The following RCL1 variants were observed in gnomAD, a reference collection of about 807,000 sequenced individuals.
The protein encoded by RCL1 is RNA terminal phosphate cyclase like 1, also known as RNA 3'-terminal phosphate cyclase-like protein.
A neutral mutation model predicts 42.4 loss-of-function variants in RCL1; 24 were observed. The observed-to-expected ratio is 0.57, with a 90% CI of 0.41 to 0.80. RCL1 has a LOEUF of 0.80. Among genes scored for constraint, RCL1 ranks in the 30% least tolerant of loss-of-function variants. The probability of loss-of-function intolerance (pLI) is 0.00; values close to 1 mark genes in which losing one functional copy is unlikely to be tolerated. For synonymous variants in RCL1, 228 were observed against 177.3 expected, an observed-to-expected ratio of 1.29 and a Z score of -2.27; for missense variants, 578 against 467.9, an observed-to-expected ratio of 1.24 and a Z score of -2.17.
chr9:4,809,344 T>C (rs948835709), intron 1 of RCL1, among the ~76,000 whole-genome samples: 8 of 151,952 alleles, frequency 5.3e-5, no homozygotes, highest in African/African-American at 1.7e-4. Flanking sequence ...GGAGTCTTGC[T>C]CTGTCGCCAG....
At chr9:4,835,566 G>C (rs1158547825) in intron 5 of RCL1, among the ~76,000 whole-genome samples, 1 of 152,218 alleles carries the variant, frequency 6.6e-6, no homozygotes, top group African/African-American at 2.4e-5. Context: ...GGAGTAACTT[G>C]ATGAAGCGAG....
chr9:4,821,157 C>A (rs1176209913), intron 1 of RCL1, among the ~76,000 whole-genome samples: 1 of 152,108 alleles, frequency 6.6e-6, no homozygotes, highest in Admixed American at 6.5e-5. Context: ...TGTGTAGTAG[C>A]TTATGCCTGT....
chr9:4,815,234 T>A (rs191780940), intron 1 of RCL1, among the ~76,000 whole-genome samples: 1 of 152,170 alleles, frequency 6.6e-6, no homozygotes, highest in South Asian at 2.1e-4. Flanking sequence ...CCTGGAACTT[T>A]CATAACATGA....
chr9:4,829,459 A>T (rs1404413426), intron 3 of RCL1, among the ~76,000 whole-genome samples: 9 of 152,324 alleles, frequency 5.9e-5, no homozygotes, highest in South Asian at 2.1e-4. Flanking sequence ...TTGCAGTAGG[A>T]TAATGAGTGA....
Position 4,844,675 on chromosome 9 carries a change from C to G in RCL1, c.861C>G (p.Ile287Met), listed in dbSNP as rs749465893. The change falls in exon 7 of 9, where the codon ATC becomes ATG. Residue 287 changes from isoleucine (I) to methionine (M), a missense_variant. By Grantham distance (10) the Ile-to-Met change is conservative. Transcript: ENST00000381750. ...GTGCCCGGCTGCTGCTGGAGGAAATCTACAGGGTATGTCCACAGCTTCCTC... is the reference window on the plus strand; with the variant it reads ...GTGCCCGGCTGCTGCTGGAGGAAATGTACAGGGTATGTCCACAGCTTCCTC... ...RNCARLLLEE[I>M]YRGGCVDSTN... 6.2e-7 allele frequency: 1 copy of G among 1,612,786 alleles called. No homozygotes were observed. Among genetic ancestry groups the G allele is most frequent in the African/African-American group, 1.3e-5 (1 of 75,020 alleles).
At chr9:4,817,776 C>T (rs1156372157) in intron 1 of RCL1, among the ~76,000 whole-genome samples, 3 of 152,050 alleles carry the variant, frequency 2.0e-5, no homozygotes, top group Admixed American at 6.6e-5. Context: ...GGATTACAGG[C>T]GTGAGCCACC....
At chr9:4,848,176 T>G (rs1193245386) in intron 7 of RCL1, among the ~76,000 whole-genome samples, 1 of 152,216 alleles carries the variant, frequency 6.6e-6, no homozygotes, top group African/African-American at 2.4e-5. Context: ...GGTCGTCATA[T>G]TTTCCATGGG....
At chr9:4,836,311 G>A (rs1278111098) in intron 5 of RCL1, among the ~76,000 whole-genome samples, 1 of 152,122 alleles carries the variant, frequency 6.6e-6, no homozygotes, top group African/African-American at 2.4e-5. Flanking sequence ...GAGGACAGTT[G>A]GAGGGTGGGT....
intron 7 of RCL1, among the ~76,000 whole-genome samples, chr9:4,847,946 G>T (rs1817578555): frequency 6.6e-6 from 1 of 152,112 alleles, no homozygotes; most frequent in Non-Finnish European, 1.5e-5. Flanking sequence ...CCCTCCTCAG[G>T]TATCTGGCAG....
At chr9:4,810,707 G>A (rs1816144934) in intron 1 of RCL1, among the ~76,000 whole-genome samples, 1 of 152,156 alleles carries the variant, frequency 6.6e-6, no homozygotes, top group Admixed American at 6.5e-5. Context: ...CCTATGTTTA[G>A]TTTTCCCAAG....
At chr9:4,804,542 G>T (rs185698786) in intron 1 of RCL1, 1 of 152,498 alleles carries the variant, frequency 6.6e-6, no homozygotes, top group Non-Finnish European at 1.5e-5. Flanking sequence ...GAGCCCTGCC[G>T]TCCAGTCGCC....
At chr9:4,853,285 C>T (rs1817816848) in intron 8 of RCL1, among the ~76,000 whole-genome samples, 1 of 151,164 alleles carries the variant, frequency 6.6e-6, no homozygotes, top group South Asian at 2.1e-4. Flanking sequence ...CAGACCTGGA[C>T]AGTCTCCTCC....
At chr9:4,836,977 G>A (rs1817160778) in intron 5 of RCL1, among the ~76,000 whole-genome samples, 1 of 152,176 alleles carries the variant, frequency 6.6e-6, no homozygotes, top group African/African-American at 2.4e-5. Flanking sequence ...AGCCTTGTGT[G>A]TACCAGGAGA....
chr9:4,846,610 T>C (rs159353), intron 7 of RCL1, among the ~76,000 whole-genome samples: 134,250 of 152,168 alleles, frequency 0.88, 59,320 homozygotes, highest in East Asian at 1. Context: ...TCCCTGGGTC[T>C]CTTGTTGTGC....
At position 4,860,290 on chromosome 9, in the gene RCL1, T is replaced by C. The variant is rs1818127351; in HGVS notation, c.*15T>C. 3.1e-6 allele frequency: 5 copies of C among 1,611,478 alleles called. No individual in the cohort carries two copies. The Admixed American group carries it at 5.0e-5, about 16-fold the overall frequency. ...CCCTCAAGTGATAACCATCACAAGA[T>C]AAGGCCCCAATGCCTACAGACAAAG... is the stretch of plus-strand genomic sequence containing the variant. On this transcript the variant is annotated 3_prime_UTR_variant, in exon 9 of 9. Transcript: ENST00000381750.
intron 1 of RCL1, among the ~76,000 whole-genome samples, chr9:4,806,788 A>T (rs564514257): frequency 6.6e-6 from 1 of 152,164 alleles, no homozygotes; most frequent in African/African-American, 2.4e-5. Context: ...AATTAAATCA[A>T]TTGGAAAGTT....
At position 4,812,977 on chromosome 9, in the gene RCL1, AAG is replaced by A. The variant is rs557015432; in HGVS notation, c.137-10568_137-10567del. On this transcript the variant is annotated intron_variant, in intron 1 of 8. Transcript: ENST00000381750. ...TTCTAGGAGTTCATGGCAGTACTTT[AAG>A]AGTTTTCTATATATAAGATCATGTT... is the stretch of plus-strand genomic sequence containing the variant. Among the ~76,000 whole-genome samples the A allele has an allele frequency of 4.0e-4, 61 of 152,258 alleles. No individual in the cohort carries two copies. In the East Asian group the frequency reaches 6.0e-3, roughly 15 times the overall value.
At chr9:4,849,003 G>T (rs1036002350) in intron 7 of RCL1, among the ~76,000 whole-genome samples, 1 of 152,062 alleles carries the variant, frequency 6.6e-6, no homozygotes, top group Admixed American at 6.5e-5. Context: ...ATGTCAGATA[G>T]ACTGTGTTGT....
At chr9:4,800,636 T>C (rs1452343956) in intron 1 of RCL1, among the ~76,000 whole-genome samples, 1 of 151,714 alleles carries the variant, frequency 6.6e-6, no homozygotes, top group Non-Finnish European at 1.5e-5. Flanking sequence ...GCTGCCCTGT[T>C]TTCCAGTGTG....
Sources: allele counts gnomAD v4.1 joint callset (sites outside exome capture counted in the v4.1 genomes callset), GRCh38; gene constraint gnomAD v4.1.1; transcripts MANE v1.5; gene names NCBI Gene and HGNC (gene_info 2026-07-23, HGNC 2026-07-21).